Variants in ANK1 observed in about 807,000 individuals in gnomAD.
ANK1 encodes ankyrin-1.
A neutral mutation model predicts 210.4 loss-of-function variants in ANK1; 51 were observed. The ratio of observed to expected loss-of-function variants is 0.24; its 90% CI spans 0.19 to 0.31. The LOEUF (loss-of-function observed/expected upper bound fraction) is 0.31, where lower values mean the gene tolerates loss of function less well. ANK1 is among the 10% of genes least tolerant of loss of function. The pLI is 1.00. For missense variants in ANK1, 2,051 were observed against 2,504.4 expected, an observed-to-expected ratio of 0.82 and a Z score of 3.86; for synonymous variants, 967 against 1,025.9, an observed-to-expected ratio of 0.94 and a Z score of 1.10.
At chr8:41,699,575 G>T in intron 22 of ANK1, 27 bp from the exon 23 acceptor site, 1 of 1,601,412 alleles carries the variant, frequency 6.2e-7, no homozygotes, top group Non-Finnish European at 8.6e-7. Context: ...TCAAGTGAGC[G>T]ACGGGGTAGA....
chr8:41,723,853 G>T (rs1324579237), intron 7 of ANK1, among the ~76,000 whole-genome samples: 2 of 149,444 alleles, frequency 1.3e-5, no homozygotes, highest in South Asian at 4.3e-4. Flanking sequence ...GCAGTGGCGC[G>T]ATCTCGACTC....
At position 41,705,052 on chromosome 8, in the gene ANK1, G is replaced by C. The variant is rs536303597; in HGVS notation, c.2098-580C>G. On this transcript the variant is annotated intron_variant, in intron 18 of 42. Transcript: ENST00000289734. ...GACTGTGGTGTAATGGAATTTATGA[G>C]AACTGGTCATTGCTTATTGAAATGC... Among the ~76,000 whole-genome samples, 6 of 152,358 alleles carry C rather than the reference G, an allele frequency of 3.9e-5. No individual in the cohort carries two copies. The South Asian group carries it at 1.2e-3, about 32-fold the overall frequency.
At chr8:41,773,265 G>A (rs753974379) in intron 1 of ANK1, among the ~76,000 whole-genome samples, 9 of 152,124 alleles carry the variant, frequency 5.9e-5, no homozygotes, top group Admixed American at 3.9e-4. Context: ...CCCGGATCAG[G>A]CCCCACAGAG....
At chr8:41,744,238 A>G (rs532751315) in intron 2 of ANK1, among the ~76,000 whole-genome samples, 1 of 152,322 alleles carries the variant, frequency 6.6e-6, no homozygotes, top group South Asian at 2.1e-4. Flanking sequence ...AAATAAATTA[A>G]TGGGGAAAAG....
intron 1 of ANK1, among the ~76,000 whole-genome samples, chr8:41,786,759 C>T (rs1049422343): frequency 5.9e-5 from 9 of 152,140 alleles, no homozygotes; most frequent in Non-Finnish European, 1.2e-4. Flanking sequence ...TTCAAAACTC[C>T]GCAGGAAAAC....
intron 1 of ANK1, among the ~76,000 whole-genome samples, chr8:41,887,782 C>T (rs1275865199): frequency 6.6e-6 from 1 of 152,192 alleles, no homozygotes; most frequent in African/African-American, 2.4e-5. Flanking sequence ...ACAACTGAAG[C>T]ATATTCCTAT....
At chr8:41,798,723 G>T (rs930026923), upstream of ANK1, among the ~76,000 whole-genome samples, 1 of 152,146 alleles carries the variant, frequency 6.6e-6, no homozygotes, top group Admixed American at 6.5e-5. Context: ...TGCCATTAAG[G>T]TGGGGGCTGT....
intron 2 of ANK1, among the ~76,000 whole-genome samples, chr8:41,743,086 A>G (rs1563636675): frequency 6.6e-6 from 1 of 152,200 alleles, no homozygotes; most frequent in Non-Finnish European, 1.5e-5. Flanking sequence ...TTGCTCTATT[A>G]TTGGTCCTTG....
intron 20 of ANK1, 126 bp downstream of exon 20, chr8:41,703,915 C>T: frequency 1.2e-6 from 1 of 848,768 alleles, no homozygotes; most frequent in Non-Finnish European, 2.0e-6. Flanking sequence ...GTAGCTGTGG[C>T]TTTAGGGTGC....
chr8:41,718,269 A>C, intron 10 of ANK1, 65 bp from the exon 11 acceptor site: 1 of 1,524,536 alleles, frequency 6.6e-7, no homozygotes, highest in Non-Finnish European at 9.1e-7. Flanking sequence ...GAACGCCCAG[A>C]AGACCACCTG....
At chr8:41,768,878 G>A (rs541825063) in intron 1 of ANK1, among the ~76,000 whole-genome samples, 1 of 152,222 alleles carries the variant, frequency 6.6e-6, no homozygotes, top group Admixed American at 6.5e-5. Context: ...GGCTGTGACA[G>A]GAGGATCACC....
intron 1 of ANK1, among the ~76,000 whole-genome samples, chr8:41,844,752 T>G (rs1460656837): frequency 1.3e-5 from 2 of 152,156 alleles, no homozygotes; most frequent in Non-Finnish European, 2.9e-5. Flanking sequence ...AGCTTATCAA[T>G]GTAAGCTGTT....
In ANK1 at chr8:41,653,702, GC is replaced by G. The variant is rs1215154002; in HGVS notation, c.*2087del. On this transcript the variant is annotated 3_prime_UTR_variant, in exon 43 of 43. Transcript: ENST00000289734. ...CGCGCTGTGCGGCCCCCCTGCCGTG[GC>G]CCCCGGGATGGGGGAGGATGGAGGG... The G allele has an allele frequency of 1.3e-5, 2 of 152,324 alleles. No individual in the cohort carries two copies. Among genetic ancestry groups the G allele is most frequent in the African/African-American group, 2.4e-5 (1 of 41,468 alleles). 9.4% of individuals were successfully genotyped at this position (152,324 alleles called of 1,614,324 possible).
chr8:41,834,885 C>T (rs1807333362), intron 1 of ANK1, among the ~76,000 whole-genome samples: 2 of 152,224 alleles, frequency 1.3e-5, no homozygotes, highest in South Asian at 2.1e-4. Context: ...CTCAGTGCTG[C>T]CGCCTACTGC....
chr8:41,808,391 A>G (rs989731671), intron 1 of ANK1, among the ~76,000 whole-genome samples: 10 of 152,182 alleles, frequency 6.6e-5, no homozygotes, highest in African/African-American at 2.4e-4. Context: ...TAAGTAAGGC[A>G]CAGTGCCTCA....
rs1036478259 is a variant in ANK1 at position 41,797,231 on chromosome 8, G to T, written c.27+281C>A. 3.9e-5 allele frequency among the ~76,000 whole-genome samples: 6 copies of T among 152,220 alleles called. No homozygotes were observed. Among genetic ancestry groups the T allele is most frequent in the Admixed American group, 3.3e-4 (5 of 15,270 alleles). Reference sequence around the variant, plus strand: ...ACCATCCCTCCCCAGCGCTATTGCTGACAGGACATAATTCAGAGACCCAGG... The same window carrying T: ...ACCATCCCTCCCCAGCGCTATTGCTTACAGGACATAATTCAGAGACCCAGG... On this transcript the variant is annotated intron_variant, in intron 1 of 42. Coordinates refer to ENST00000289734, the MANE Select transcript of ANK1 (RefSeq NM_000037.4). The surrounding 1 kb of genome is among the most constrained non-coding windows in gnomAD (Gnocchi z 4.0).
At chr8:41,660,300 A>AT (rs1440478474) in intron 42 of ANK1, 2 of 411,870 alleles carry the variant, frequency 4.9e-6, no homozygotes, top group East Asian at 1.6e-4. Context: ...GCGGGCCCTG[A>AT]TTTTTGCCGA....
At chr8:41,855,774 G>A (rs1469804179) in intron 1 of ANK1, among the ~76,000 whole-genome samples, 1 of 152,086 alleles carries the variant, frequency 6.6e-6, no homozygotes, top group African/African-American at 2.4e-5. Flanking sequence ...AACACCGAAT[G>A]CATTAACCCA....
chr8:41,861,171 G>A (rs898301065), intron 1 of ANK1, among the ~76,000 whole-genome samples: 15 of 152,126 alleles, frequency 9.9e-5, no homozygotes, highest in African/African-American at 3.1e-4. Flanking sequence ...AATTAACTCC[G>A]GACAAGGAGA....
Sources: allele counts gnomAD v4.1 joint callset (sites outside exome capture counted in the v4.1 genomes callset), GRCh38; gene constraint gnomAD v4.1.1; non-coding constraint Gnocchi (gnomAD v3.1); transcripts MANE v1.5; gene names NCBI Gene and HGNC (gene_info 2026-07-23, HGNC 2026-07-21).